Variants in MFSD12 observed in about 807,000 individuals in gnomAD.
The protein encoded by MFSD12 is major facilitator superfamily domain containing 12, also known as major facilitator superfamily domain-containing protein 12.
MFSD12 carries 67 observed loss-of-function variants against 51.2 expected under a neutral mutation model. The observed-to-expected ratio is 1.31, with a 90% CI of 1.08 to 1.60. MFSD12 has a LOEUF of 1.60. MFSD12 is among the 40% of genes most tolerant of loss of function. The pLI is 0.00. For synonymous variants in MFSD12, 441 were observed against 316.7 expected (o/e 1.39, Z -4.17); for missense variants, 921 against 673.0 (o/e 1.37, Z -4.08).
chr19:3,543,814 G>C (rs967959691), downstream of MFSD12: 1 of 1,509,600 alleles, frequency 6.6e-7, no homozygotes, highest in Non-Finnish European at 8.9e-7. Flanking sequence ...ATGGTGACCC[G>C]AGTCCCACCT....
At chr19:3,550,797 C>T (rs1011061943) in intron 2 of MFSD12, among the ~76,000 whole-genome samples, 187 bp downstream of exon 2, 11 of 151,868 alleles carry the variant, frequency 7.2e-5, no homozygotes, top group Non-Finnish European at 4.4e-5. Flanking sequence ...AGGCTGCAGT[C>T]AGCCGAGATC....
rs1217361930 is a variant in MFSD12 at position 3,557,094 on chromosome 19, C to A, written c.298+12G>T. 4 of 1,449,988 alleles carry A rather than the reference C, an allele frequency of 2.8e-6. No homozygotes were observed. The highest frequency in any genetic ancestry group is 2.7e-6 in the Non-Finnish European group (3 of 1,108,398). 89.8% of individuals were successfully genotyped at this position (1,449,988 alleles called of 1,614,324 possible). On this transcript the variant is annotated intron_variant, in intron 1 of 9. Transcript: ENST00000355415. ...GGGGCTGCCCGACAGGTGGCGGGGC[C>A]GGGACGCTTACCGACCAGGTGCCAG...
intron 1 of MFSD12, among the ~76,000 whole-genome samples, chr19:3,554,324 C>T (rs1193103725): frequency 6.6e-6 from 1 of 151,652 alleles, no homozygotes; most frequent in African/African-American, 2.4e-5. Context: ...GTAATCCCAG[C>T]TACTCAGGAG....
rs968107737 is a variant in MFSD12, at chr19:3,551,984, C to A, written c.299-790G>T. 6.6e-6 allele frequency among the ~76,000 whole-genome samples: 1 copy of A among 152,042 alleles called. No homozygotes were observed. Among genetic ancestry groups the A allele is most frequent in the East Asian group, 1.9e-4 (1 of 5,162 alleles). ...TCTTAGCAAGACTGGCTCCTTTTCA[C>A]CTCTGGGCTCAACGGGAATGTCACC... On this transcript the variant is annotated intron_variant, in intron 1 of 9. Coordinates refer to ENST00000355415, the MANE Select transcript of MFSD12 (RefSeq NM_174983.5). The surrounding 1 kb of genome is among the most constrained non-coding windows in gnomAD (Gnocchi z 4.6).
intron 1 of MFSD12, among the ~76,000 whole-genome samples, chr19:3,552,828 A>G (rs960779019): frequency 6.6e-6 from 1 of 152,126 alleles, no homozygotes; most frequent in African/African-American, 2.4e-5. Flanking sequence ...TGGCCCTGAC[A>G]CAGCCTGTAA....
At chr19:3,550,102 G>A (rs1316408567) in intron 2 of MFSD12, among the ~76,000 whole-genome samples, 2 of 152,246 alleles carry the variant, frequency 1.3e-5, no homozygotes, top group South Asian at 2.1e-4. Flanking sequence ...CCAACCACGT[G>A]AGCATAGAGG....
At chr19:3,548,070 GC>G in intron 3 of MFSD12, 40 bp from the exon 4 acceptor site, 1 of 1,600,548 alleles carries the variant, frequency 6.2e-7, no homozygotes. Context: ...GGCGGGCCCA[GC>G]CCCCGCCCCT....
At chr19:3,544,981 ACC>A in intron 8 of MFSD12, 42 bp from the exon 9 acceptor site, 1 of 1,543,122 alleles carries the variant, frequency 6.5e-7, no homozygotes. Flanking sequence ...CGCGGGTACC[ACC>A]CCCCCGCCAC....
At chr19:3,543,241 C>A, downstream of MFSD12, 1 of 1,544,320 alleles carries the variant, frequency 6.5e-7, no homozygotes, top group Non-Finnish European at 8.7e-7. Flanking sequence ...TCAGCGATGA[C>A]TACCTGTCCC....
At chr19:3,540,450 G>A (rs1156938894), downstream of MFSD12, among the ~76,000 whole-genome samples, 1 of 151,474 alleles carries the variant, frequency 6.6e-6, no homozygotes, top group Non-Finnish European at 1.5e-5. Context: ...TAGAGACGGG[G>A]TTTCACCATG....
rs2030758884 is a variant in MFSD12 at position 3,544,397 on chromosome 19, T to G, written c.*313A>C. On this transcript the variant is annotated 3_prime_UTR_variant, in exon 10 of 10. Transcript: ENST00000355415. ...GGGGTGAACTGGACTGAGCTCAGGG[T>G]TAGGGTTCCCCCAGACCCTTCTGGG... is the stretch of plus-strand genomic sequence containing the variant. 1.5e-6 allele frequency: 2 copies of G among 1,297,036 alleles called. No homozygotes were observed. Among genetic ancestry groups the G allele is most frequent in the African/African-American group, 1.5e-5 (1 of 66,858 alleles). 80.3% of individuals were successfully genotyped at this position (1,297,036 alleles called of 1,614,324 possible).
chr19:3,547,677 TG>T, intron 4 of MFSD12, 130 bp from the exon 5 acceptor site: 3 of 1,163,466 alleles, frequency 2.6e-6, no homozygotes, highest in Non-Finnish European at 1.2e-6. Context: ...GACTGCCCAG[TG>T]GGGTGGGCCA....
chr19:3,551,144 C>T lies in MFSD12; in HGVS notation c.349G>A (p.Gly117Ser). The T allele has an allele frequency of 3.1e-6, 5 of 1,612,754 alleles. No individual in the cohort carries two copies. Among genetic ancestry groups the T allele is most frequent in the Non-Finnish European group, 4.2e-6 (5 of 1,179,894 alleles). ...SFPFIFSPCL[G>S]CGAATPEWAA... is the part of the protein sequence containing the mutation. The stretch of plus-strand genomic sequence containing the variant: ...CACTCGGGCGTGGCCGCCCCACAGC[C>T]CAGGCAGGGGCTGAAGATGAAGGGG... The change falls in exon 2 of 10, where the codon GGC (glycine) becomes AGC (serine). Residue 117 changes from glycine to serine, a missense_variant. Physicochemically the swap from Gly to Ser is moderately conservative, Grantham distance 56. Coordinates refer to ENST00000355415, the MANE Select transcript of MFSD12 (RefSeq NM_174983.5). The surrounding 1 kb of genome is among the most constrained non-coding windows in gnomAD (Gnocchi z 4.6).
In MFSD12 at chr19:3,551,640, G is replaced by A. The variant is rs77859866; in HGVS notation, c.299-446C>T. 0.029 allele frequency among the ~76,000 whole-genome samples: 4,342 copies of A among 152,252 alleles called. 130 individuals carry two copies. The highest frequency in any genetic ancestry group is 0.075 in the African/African-American group (3,125 of 41,514). On this transcript the variant is annotated intron_variant, in intron 1 of 9. Coordinates refer to ENST00000355415, the MANE Select transcript of MFSD12 (RefSeq NM_174983.5). The surrounding 1 kb of genome is among the most constrained non-coding windows in gnomAD (Gnocchi z 4.6). ...TGACCACTCCCTGGAATGCTGGGGC[G>A]TCCTGGCCTCCAGGGACAGTCAGGA...
Position 3,551,793 on chromosome 19 carries a change from ACCTGCCCTGTCCCCTCCGTGC to A in MFSD12, c.299-620_299-600del, listed in dbSNP as rs1369220101. The stretch of plus-strand genomic sequence containing the variant: ...CCCGCAGCCCACGGAGCCCTTTGCG[ACCTGCCCTGTCCCCTCCGTGC>A]CCTGCCCTGCCCTTCCCTCTCTCCC... On this transcript the variant is annotated intron_variant, in intron 1 of 9. Transcript: ENST00000355415. This position sits in a 1 kb window ranked among gnomAD's most constrained non-coding sequence, Gnocchi z 4.6. 6.6e-6 allele frequency among the ~76,000 whole-genome samples: 1 copy of A among 151,870 alleles called. No individual in the cohort carries two copies. Among genetic ancestry groups the A allele is most frequent in the African/African-American group, 2.4e-5 (1 of 41,322 alleles).
chr19:3,543,990 C>T (rs1009333434), downstream of MFSD12: 6 of 1,544,610 alleles, frequency 3.9e-6, no homozygotes, highest in Admixed American at 4.0e-5. Context: ...CCCGCCTTCC[C>T]TCACACCCAC....
In MFSD12 at chr19:3,544,200, G is replaced by T; in HGVS notation, c.*510C>A. 1 of 1,361,830 alleles carries T rather than the reference G, an allele frequency of 7.3e-7. No individual in the cohort carries two copies. 84.4% of individuals were successfully genotyped at this position (1,361,830 alleles called of 1,614,324 possible). A position where few individuals can be genotyped will look rare whatever the true frequency, so the allele number is the denominator to read the frequency against. On this transcript the variant is annotated 3_prime_UTR_variant, in exon 10 of 10. Coordinates refer to ENST00000355415, the MANE Select transcript of MFSD12 (RefSeq NM_174983.5). ...CCCGCAGGCAGACAGGAGCCAGGCT[G>T]CCGTCATCTCTTTATTTGCTGCCAG...
chr19:3,543,455 G>C, downstream of MFSD12: 3 of 1,543,414 alleles, frequency 1.9e-6, no homozygotes, highest in Non-Finnish European at 2.6e-6. Context: ...CCAACACCGT[G>C]AGTGCAGCAT....
rs767620278 is a variant in MFSD12, at chr19:3,546,057, C to T, written c.1289+17G>A. 144 of 1,611,816 alleles carry T rather than the reference C, an allele frequency of 8.9e-5. No individual in the cohort carries two copies. The highest frequency in any genetic ancestry group is 1.1e-4 in the Non-Finnish European group (129 of 1,178,890). On this transcript the variant is annotated intron_variant, in intron 8 of 9. Coordinates refer to ENST00000355415, the MANE Select transcript of MFSD12 (RefSeq NM_174983.5). ...CTTACTGAACAAAAGAATGAATGAA[C>T]GAACAGCGGCACTCACGGGCAAGGG...
Sources: allele counts gnomAD v4.1 joint callset (sites outside exome capture counted in the v4.1 genomes callset), GRCh38; gene constraint gnomAD v4.1.1; non-coding constraint Gnocchi (gnomAD v3.1); transcripts MANE v1.5; gene names NCBI Gene and HGNC (gene_info 2026-07-23, HGNC 2026-07-21).